Variants in DSCAM observed in about 807,000 individuals in gnomAD.
The protein encoded by DSCAM is DS cell adhesion molecule.
DSCAM carries 47 observed loss-of-function variants against 217.7 expected under a neutral mutation model. That is an observed-to-expected ratio of 0.22 (90% CI 0.17 to 0.28). The LOEUF is 0.28. Among genes scored for constraint, DSCAM ranks in the 10% least tolerant of loss-of-function variants. DSCAM has a pLI of 1.00. For synonymous variants in DSCAM, 1,056 were observed against 1,015.3 expected, an observed-to-expected ratio of 1.04 and a Z score of -0.76; for missense variants, 2,080 against 2,618.3, an observed-to-expected ratio of 0.79 and a Z score of 4.49.
At chr21:40,356,971 T>TCTTCATTTTATCATTTCA (rs2074700419) in intron 4 of DSCAM, among the ~76,000 whole-genome samples, 1 of 152,204 alleles carries the variant, frequency 6.6e-6, no homozygotes, top group Non-Finnish European at 1.5e-5. Flanking sequence ...CATTATGAAC[T>TCTTCATTTTATCATTTCA]TGCTGCTCTT....
intron 15 of DSCAM, among the ~76,000 whole-genome samples, chr21:40,173,827 C>T (rs1412740337): frequency 3.9e-5 from 6 of 152,190 alleles, no homozygotes; most frequent in Non-Finnish European, 7.3e-5. Flanking sequence ...TGCATCATGA[C>T]CCTTCCATAA....
chr21:40,647,865 C>T (rs1285289414), intron 3 of DSCAM, among the ~76,000 whole-genome samples: 1 of 152,190 alleles, frequency 6.6e-6, no homozygotes, highest in African/African-American at 2.4e-5. Flanking sequence ...CCAGCTGACT[C>T]TAAATGTCCA....
intron 3 of DSCAM, among the ~76,000 whole-genome samples, chr21:40,657,874 T>G (rs765844465): frequency 6.6e-6 from 1 of 152,114 alleles, no homozygotes; most frequent in Non-Finnish European, 1.5e-5. Context: ...GAGACTAGAA[T>G]TTTTTCTGTA....
intron 12 of DSCAM, 55 bp downstream of exon 12, chr21:40,188,987 G>T (rs2090925789): frequency 1.9e-6 from 3 of 1,563,374 alleles, no homozygotes; most frequent in Non-Finnish European, 2.6e-6. Context: ...TGAAAGGAAA[G>T]ACTTATTCTT....
chr21:40,813,339 G>C (rs529807319), intron 1 of DSCAM, among the ~76,000 whole-genome samples: 1 of 152,084 alleles, frequency 6.6e-6, no homozygotes, highest in Non-Finnish European at 1.5e-5. Context: ...ATGAAGACAG[G>C]GGTATTATTT....
chr21:40,443,409 G>A (rs1188058185), intron 3 of DSCAM, among the ~76,000 whole-genome samples: 4 of 152,154 alleles, frequency 2.6e-5, no homozygotes, highest in Admixed American at 2.0e-4. Flanking sequence ...TAAAGAGAAT[G>A]TTCATATGGC....
intron 1 of DSCAM, among the ~76,000 whole-genome samples, chr21:40,727,426 T>G (rs1441770469): frequency 6.6e-6 from 1 of 152,186 alleles, no homozygotes; most frequent in Admixed American, 6.5e-5. Context: ...TAAGGTATAC[T>G]CAAAAATATC....
intron 11 of DSCAM, among the ~76,000 whole-genome samples, chr21:40,268,548 A>C (rs190614095): frequency 6.6e-6 from 1 of 152,232 alleles, no homozygotes; most frequent in South Asian, 2.1e-4. Flanking sequence ...AAAGTTAAAA[A>C]AAATAATAAC....
chr21:40,490,456 C>T (rs561669867), intron 3 of DSCAM, among the ~76,000 whole-genome samples: 57 of 152,170 alleles, frequency 3.7e-4, no homozygotes, highest in African/African-American at 1.4e-3. Flanking sequence ...ATATTACTTT[C>T]CCACTGTGTG....
chr21:40,529,065 G>A (rs1233390304), intron 3 of DSCAM, among the ~76,000 whole-genome samples: 6 of 151,750 alleles, frequency 4.0e-5, no homozygotes, highest in East Asian at 3.9e-4. Flanking sequence ...CACCACCCCC[G>A]GCTAATTTTT....
At chr21:40,051,855 A>G in intron 30 of DSCAM, 103 bp downstream of exon 30, 1 of 1,445,544 alleles carries the variant, frequency 6.9e-7, no homozygotes. Context: ...TTTCTCAGGC[A>G]TAGGTATGAA....
At chr21:40,120,550 A>G (rs1053640857) in intron 20 of DSCAM, among the ~76,000 whole-genome samples, 1 of 152,232 alleles carries the variant, frequency 6.6e-6, no homozygotes, top group African/African-American at 2.4e-5. Flanking sequence ...TGCTTATAAT[A>G]GATTGTTTGA....
chr21:40,320,228 T>C (rs940973699), intron 8 of DSCAM, among the ~76,000 whole-genome samples: 1 of 152,178 alleles, frequency 6.6e-6, no homozygotes, highest in Non-Finnish European at 1.5e-5. Context: ...GAACATTATG[T>C]CCGCTATAGT....
intron 1 of DSCAM, among the ~76,000 whole-genome samples, chr21:40,828,620 TCA>T (rs1384618678): frequency 2.0e-5 from 3 of 150,620 alleles, no homozygotes; most frequent in African/African-American, 7.3e-5. Flanking sequence ...AATAAGCCAA[TCA>T]CATCCTCCCT....
intron 1 of DSCAM, among the ~76,000 whole-genome samples, chr21:40,754,236 G>C (rs1393696153): frequency 6.6e-6 from 1 of 152,068 alleles, no homozygotes; most frequent in Admixed American, 6.5e-5. Context: ...CCATGCCCAG[G>C]ACCACTATAA....
intron 1 of DSCAM, among the ~76,000 whole-genome samples, chr21:40,797,174 C>G (rs191757181): frequency 3.3e-5 from 5 of 152,274 alleles, no homozygotes; most frequent in Admixed American, 1.3e-4. Flanking sequence ...ATCTTGACTT[C>G]CCTGTTCCAA....
At chr21:40,652,880 A>T (rs2090033236) in intron 3 of DSCAM, among the ~76,000 whole-genome samples, 1 of 152,074 alleles carries the variant, frequency 6.6e-6, no homozygotes, top group Non-Finnish European at 1.5e-5. Context: ...TGTCAGTTGA[A>T]CCTCTGGAGG....
At chr21:40,670,075 G>A (rs1196978453) in intron 3 of DSCAM, among the ~76,000 whole-genome samples, 1 of 152,076 alleles carries the variant, frequency 6.6e-6, no homozygotes, top group Non-Finnish European at 1.5e-5. Context: ...ACTAGTTCAA[G>A]TTAATTCACC....
At chr21:40,365,460 A>G (rs570782361) in intron 4 of DSCAM, among the ~76,000 whole-genome samples, 69 of 152,108 alleles carry the variant, frequency 4.5e-4, no homozygotes, top group African/African-American at 1.6e-3. Context: ...TGGGAATTAG[A>G]CTGACTTTCT....
Sources: allele counts gnomAD v4.1 joint callset (sites outside exome capture counted in the v4.1 genomes callset), GRCh38; gene constraint gnomAD v4.1.1; transcripts MANE v1.5; gene names NCBI Gene and HGNC (gene_info 2026-07-23, HGNC 2026-07-21).